The following FRAS1 variants were observed in gnomAD, a reference collection of about 807,000 sequenced individuals.
FRAS1 encodes the protein Fraser extracellular matrix complex subunit 1, also known as extracellular matrix organizing protein FRAS1.
Under a neutral mutation model 435.2 loss-of-function variants are expected in FRAS1, and 290 were observed. The observed-to-expected ratio is 0.67, with a 90% confidence interval of 0.61 to 0.73. The LOEUF is 0.73. Among genes scored for constraint, FRAS1 ranks in the 30% least tolerant of loss-of-function variants. The pLI, the probability that FRAS1 is intolerant of heterozygous loss-of-function variation, is 0.00. For missense variants in FRAS1, 4,860 were observed against 5,001.5 expected, an observed-to-expected ratio of 0.97 and a Z score of 0.85; for synonymous variants, 1,800 against 1,851.0, an observed-to-expected ratio of 0.97 and a Z score of 0.71.
intron 2 of FRAS1, among the ~76,000 whole-genome samples, chr4:78,093,765 A>T (rs374949462): frequency 7.3e-4 from 111 of 152,344 alleles, no homozygotes; most frequent in Middle Eastern, 3.4e-3. Context: ...AGACAAAATT[A>T]AAAAATCCTC....
chr4:78,200,502 A>C (rs1274321413), intron 2 of FRAS1, among the ~76,000 whole-genome samples: 1 of 152,210 alleles, frequency 6.6e-6, no homozygotes, highest in Non-Finnish European at 1.5e-5. Flanking sequence ...CAGTTGAAAG[A>C]AAATAGAGAG....
At chr4:78,189,496 T>C (rs1332556246) in intron 2 of FRAS1, among the ~76,000 whole-genome samples, 1 of 152,252 alleles carries the variant, frequency 6.6e-6, no homozygotes, top group Non-Finnish European at 1.5e-5. Flanking sequence ...CAGAACATGA[T>C]ATGAGCAGAA....
rs368600058 is a variant in FRAS1 at position 78,422,007 on chromosome 4, C to T, written c.4678+7C>T. ...ATGGCCTTCTCGTTCGCTGGTAATG[C>T]TCTCCTCTCTGCTTTGAGGCACCCA... On this transcript the variant is annotated splice_region_variant and intron_variant, in intron 34 of 73. Coordinates refer to ENST00000512123, the MANE Select transcript of FRAS1 (RefSeq NM_025074.7). 1 of 1,606,794 alleles carries T rather than the reference C, an allele frequency of 6.2e-7. No homozygotes were observed. Among genetic ancestry groups the T allele is most frequent in the African/African-American group, 1.3e-5 (1 of 74,840 alleles).
chr4:78,275,939 C>G (rs909730166), intron 9 of FRAS1, among the ~76,000 whole-genome samples: 1 of 152,196 alleles, frequency 6.6e-6, no homozygotes, highest in African/African-American at 2.4e-5. Context: ...CTCCCCGTCA[C>G]TTTTAGGTAC....
intron 1 of FRAS1, among the ~76,000 whole-genome samples, chr4:78,062,382 C>T (rs932851897): frequency 1.2e-4 from 19 of 152,156 alleles, no homozygotes; most frequent in African/African-American, 4.6e-4. Flanking sequence ...GTGCACACAG[C>T]CATATGCTGA....
chr4:78,183,940 A>T (rs1443601105), intron 2 of FRAS1, among the ~76,000 whole-genome samples: 1 of 152,166 alleles, frequency 6.6e-6, no homozygotes, highest in Non-Finnish European at 1.5e-5. Context: ...TTTAGTGCTT[A>T]TTATGCTCTA....
chr4:78,388,389 T>A (rs963635179), intron 29 of FRAS1, among the ~76,000 whole-genome samples: 1 of 150,688 alleles, frequency 6.6e-6, no homozygotes, highest in Non-Finnish European at 1.5e-5. Flanking sequence ...CATAGTCAGA[T>A]AATCTGAATG....
chr4:78,290,134 G>A (rs929274127), intron 14 of FRAS1, among the ~76,000 whole-genome samples: 1 of 152,026 alleles, frequency 6.6e-6, no homozygotes, highest in African/African-American at 2.4e-5. Flanking sequence ...CCAACAACAC[G>A]CACCATGTAA....
intron 2 of FRAS1, among the ~76,000 whole-genome samples, chr4:78,227,918 G>A (rs966296436): frequency 1.3e-5 from 2 of 152,138 alleles, no homozygotes; most frequent in African/African-American, 4.8e-5. Context: ...GAGAATATAT[G>A]CCCATCTATC....
chr4:78,526,227 C>T (rs1294499772), intron 69 of FRAS1, among the ~76,000 whole-genome samples: 1 of 152,156 alleles, frequency 6.6e-6, no homozygotes, highest in Non-Finnish European at 1.5e-5. Flanking sequence ...AAGGAAATGG[C>T]CAATTCTGTT....
intron 26 of FRAS1, among the ~76,000 whole-genome samples, chr4:78,376,669 T>A (rs1731776920): frequency 6.6e-6 from 1 of 152,100 alleles, no homozygotes; most frequent in African/African-American, 2.4e-5. Flanking sequence ...AGTGGATGGA[T>A]TTCAGGCTAC....
intron 2 of FRAS1, among the ~76,000 whole-genome samples, chr4:78,199,434 C>T (rs953076543): frequency 3.9e-5 from 6 of 152,100 alleles, no homozygotes; most frequent in East Asian, 1.9e-4. Flanking sequence ...TGGCTGTTTT[C>T]GATCTATTTT....
chr4:78,303,793 A>G (rs11726490), intron 14 of FRAS1, among the ~76,000 whole-genome samples: 16,526 of 151,420 alleles, frequency 0.11, 1,232 homozygotes, highest in Non-Finnish European at 0.16. Flanking sequence ...CAATCATGTC[A>G]TCTGCAAACA....
At position 78,461,557 on chromosome 4, in the gene FRAS1, T is replaced by C. The variant is rs76250105; in HGVS notation, c.6764-2464T>C. 1.6e-3 allele frequency among the ~76,000 whole-genome samples: 247 copies of C among 152,314 alleles called. 5 individuals carry two copies. In the East Asian group the frequency reaches 0.043, roughly 26 times the overall value. ...ACATAAATAAGCAGTCTTTAAACTG[T>C]GTTCCATCCATAGTAGGTGCTCAAT... On this transcript the variant is annotated intron_variant, in intron 47 of 73. Coordinates refer to ENST00000512123, the MANE Select transcript of FRAS1 (RefSeq NM_025074.7).
intron 2 of FRAS1, among the ~76,000 whole-genome samples, chr4:78,096,208 T>C (rs755250158): frequency 6.6e-6 from 1 of 152,226 alleles, no homozygotes; most frequent in Non-Finnish European, 1.5e-5. Flanking sequence ...TTTGACTCCA[T>C]GTCTTGCATC....
At chr4:78,129,106 C>T (rs752986718) in intron 2 of FRAS1, among the ~76,000 whole-genome samples, 22 of 152,236 alleles carry the variant, frequency 1.4e-4, no homozygotes, top group South Asian at 1.2e-3. Context: ...TCTATTCCAT[C>T]GGTCTATATC....
rs1720036984 is a variant in FRAS1, at chr4:78,482,404, T to C, written c.8621T>C (p.Ile2874Thr). The change falls in exon 58 of 74, where the codon ATC (isoleucine) becomes ACC (threonine). Residue 2874 changes from isoleucine (I) to threonine (T), a missense_variant. Coordinates refer to ENST00000512123, the MANE Select transcript of FRAS1 (RefSeq NM_025074.7). ...CTCTTCTAGTATTGCACCTTGACTA[T>C]CTTGGATGACACTCAGTATCCGGTA... is the stretch of plus-strand genomic sequence containing the variant. The part of the protein sequence containing the change: ...GVIEQYCTLT[I>T]LDDTQYPVIE... 1.9e-6 allele frequency: 3 copies of C among 1,613,890 alleles called. No individual in the cohort carries two copies. Among genetic ancestry groups the C allele is most frequent in the Non-Finnish European group, 2.5e-6 (3 of 1,179,808 alleles).
At chr4:78,179,698 A>T (rs1172751805) in intron 2 of FRAS1, among the ~76,000 whole-genome samples, 1 of 152,210 alleles carries the variant, frequency 6.6e-6, no homozygotes, top group African/African-American at 2.4e-5. Context: ...ATAAAACCAT[A>T]TATGATTAAG....
At position 78,181,191 on chromosome 4, in the gene FRAS1, G is replaced by C. The variant is rs1005625295; in HGVS notation, c.109-56319G>C. On this transcript the variant is annotated intron_variant, in intron 2 of 73. Coordinates refer to ENST00000512123, the MANE Select transcript of FRAS1 (RefSeq NM_025074.7). The stretch of plus-strand genomic sequence containing the variant: ...CAGATATTAAATTCTACTTTTGCCC[G>C]GTCCTTATTTTGAATAGCCTTCCAC... 24 of 1,607,138 alleles carry C rather than the reference G, an allele frequency of 1.5e-5. No individual in the cohort carries two copies. In the African/African-American group the frequency reaches 2.1e-4, roughly 14 times the overall value.
Sources: allele counts gnomAD v4.1 joint callset (sites outside exome capture counted in the v4.1 genomes callset), GRCh38; gene constraint gnomAD v4.1.1; transcripts MANE v1.5; gene names NCBI Gene and HGNC (gene_info 2026-07-23, HGNC 2026-07-21).